ANO2: variants seen among roughly 807,000 people sequenced by gnomAD.
ANO2 encodes anoctamin-2.
Under a neutral mutation model 124.2 loss-of-function variants are expected in ANO2, and 101 were observed. The observed-to-expected ratio is 0.81, with a 90% CI of 0.69 to 0.96. The LOEUF is 0.96. ANO2 is among the 40% of genes least tolerant of loss of function. The probability of loss-of-function intolerance (pLI) is 0.00; values close to 1 mark genes in which losing one functional copy is unlikely to be tolerated. For synonymous variants in ANO2, 486 were observed against 482.5 expected (o/e 1.01, Z -0.09); for missense variants, 1,293 against 1,274.5 (o/e 1.01, Z -0.22).
Position 5,582,516 on chromosome 12 carries a change from G to A in ANO2, c.2234-3998C>T, listed in dbSNP as rs77275700. On this transcript the variant is annotated intron_variant, in intron 20 of 24. Coordinates refer to ENST00000682330, the MANE Select transcript of ANO2 (RefSeq NM_001364791.2). ...GACGTTTCAAGACAATCTGTTTAGA[G>A]AACACAAACAGTATAGTAGATAAAA... 2.3e-4 allele frequency among the ~76,000 whole-genome samples: 35 copies of A among 152,330 alleles called. No individual in the cohort carries two copies. In the East Asian group the frequency reaches 6.4e-3, roughly 28 times the overall value.
chr12:5,614,536 G>T (rs1385068473), intron 17 of ANO2, among the ~76,000 whole-genome samples: 2 of 152,186 alleles, frequency 1.3e-5, no homozygotes, highest in Admixed American at 1.3e-4. Flanking sequence ...CTGAGGACAT[G>T]GAAGCTTCAT....
chr12:5,827,572 G>A (rs1022617765), intron 7 of ANO2, among the ~76,000 whole-genome samples, 197 bp downstream of exon 7: 13 of 152,212 alleles, frequency 8.5e-5, no homozygotes, highest in Non-Finnish European at 1.9e-4. Flanking sequence ...AACAGCCTGG[G>A]GGCAGCCCCA....
chr12:5,821,820 G>C (rs567943586), intron 7 of ANO2, among the ~76,000 whole-genome samples: 1 of 152,266 alleles, frequency 6.6e-6, no homozygotes, highest in South Asian at 2.1e-4. Flanking sequence ...ATCATCAAAC[G>C]TAAGTGGTAT....
At chr12:5,914,404 T>C (rs1253922852) in intron 3 of ANO2, among the ~76,000 whole-genome samples, 1 of 152,064 alleles carries the variant, frequency 6.6e-6, no homozygotes, top group East Asian at 1.9e-4. Flanking sequence ...AGACATCTCA[T>C]GGCATAGGAG....
chr12:5,889,600 T>A (rs1939242490), intron 3 of ANO2, among the ~76,000 whole-genome samples: 1 of 152,252 alleles, frequency 6.6e-6, no homozygotes, highest in Admixed American at 6.5e-5. Flanking sequence ...TCCCATCTCC[T>A]TCCCCAGACT....
At chr12:5,693,246 T>C (rs34181634) in intron 14 of ANO2, among the ~76,000 whole-genome samples, 7,701 of 152,280 alleles carry the variant, frequency 0.051, 312 homozygotes, top group Non-Finnish European at 0.077. Context: ...CTGTCACAAA[T>C]GTCACATGTT....
chr12:5,744,567 G>A (rs1951210311), intron 11 of ANO2, among the ~76,000 whole-genome samples: 2 of 152,192 alleles, frequency 1.3e-5, no homozygotes, highest in Admixed American at 1.3e-4. Flanking sequence ...GAAAGTTAGT[G>A]AGATCTGTCA....
At chr12:5,901,489 T>G (rs942120849) in intron 3 of ANO2, among the ~76,000 whole-genome samples, 2 of 152,032 alleles carry the variant, frequency 1.3e-5, no homozygotes, top group African/African-American at 4.8e-5. Flanking sequence ...TAGGGAGATA[T>G]TACGTAAGAG....
chr12:5,831,663 T>A (rs536065379), intron 5 of ANO2, among the ~76,000 whole-genome samples: 1 of 152,284 alleles, frequency 6.6e-6, no homozygotes, highest in African/African-American at 2.4e-5. Context: ...TGTAGGATAA[T>A]ATCAAACACA....
At chr12:5,846,088 G>C (rs4764475) in intron 4 of ANO2, among the ~76,000 whole-genome samples, 132,619 of 152,254 alleles carry the variant, frequency 0.87, 59,223 homozygotes, top group East Asian at 1. Context: ...AGCTTTAAAA[G>C]ATGCTAATAT....
At chr12:5,637,784 C>T (rs1173050514) in intron 15 of ANO2, among the ~76,000 whole-genome samples, 2 of 152,136 alleles carry the variant, frequency 1.3e-5, no homozygotes, top group Non-Finnish European at 2.9e-5. Context: ...TTTACCTTCT[C>T]TGGTCTTAAT....
At chr12:5,680,332 C>T (rs1948436275) in intron 14 of ANO2, among the ~76,000 whole-genome samples, 2 of 152,118 alleles carry the variant, frequency 1.3e-5, no homozygotes, top group Admixed American at 1.3e-4. Context: ...CACCTGCACC[C>T]ACTTTTGGAG....
At chr12:5,569,058 CT>C (rs1265576057) in intron 23 of ANO2, among the ~76,000 whole-genome samples, 1 of 152,192 alleles carries the variant, frequency 6.6e-6, no homozygotes, top group Non-Finnish European at 1.5e-5. Context: ...TAGATCACGG[CT>C]TCCAGTTCCT....
At chr12:5,935,048 C>T (rs1307781852) in intron 1 of ANO2, among the ~76,000 whole-genome samples, 1 of 152,114 alleles carries the variant, frequency 6.6e-6, no homozygotes, top group African/African-American at 2.4e-5. Flanking sequence ...AGGAACAATC[C>T]TGAGAATTTT....
intron 10 of ANO2, among the ~76,000 whole-genome samples, chr12:5,754,729 T>C (rs987878425): frequency 6.6e-6 from 1 of 152,166 alleles, no homozygotes; most frequent in Admixed American, 6.5e-5. Flanking sequence ...TGTTGGTGTA[T>C]AATTGTTCAT....
intron 3 of ANO2, among the ~76,000 whole-genome samples, chr12:5,901,252 G>A (rs1471013426): frequency 6.6e-6 from 1 of 152,204 alleles, no homozygotes; most frequent in East Asian, 1.9e-4. Context: ...GCTTGGAACA[G>A]GAAGCAGCCA....
At chr12:5,666,326 G>A (rs1403361347) in intron 14 of ANO2, among the ~76,000 whole-genome samples, 1 of 152,178 alleles carries the variant, frequency 6.6e-6, no homozygotes, top group African/African-American at 2.4e-5. Flanking sequence ...AACATTGATG[G>A]TAGGGAAGGA....
chr12:5,844,692 A>G (rs1954624625), intron 4 of ANO2, among the ~76,000 whole-genome samples: 1 of 152,158 alleles, frequency 6.6e-6, no homozygotes, highest in African/African-American at 2.4e-5. Flanking sequence ...GACCATTGAA[A>G]TCTGTTGCCT....
At chr12:5,732,957 C>T (rs1178950232) in intron 13 of ANO2, 4 of 1,540,012 alleles carry the variant, frequency 2.6e-6, no homozygotes, top group Non-Finnish European at 3.6e-6. Context: ...CAGTGCTTTG[C>T]AGAGCAGTTT....
Sources: gnomAD v4.1 joint callset for allele counts (sites outside exome capture counted in the v4.1 genomes callset) on GRCh38, gnomAD v4.1.1 for gene constraint, MANE v1.5 for transcripts, NCBI Gene and HGNC (gene_info 2026-07-23, HGNC 2026-07-21) for gene names.